Variants in COL5A2 observed in about 807,000 individuals in gnomAD.
COL5A2 encodes the protein collagen alpha-2(V) chain.
Under a neutral mutation model 208.2 loss-of-function variants are expected in COL5A2, and 23 were observed. The observed-to-expected ratio is 0.11, with a 90% confidence interval of 0.08 to 0.16. The LOEUF (loss-of-function observed/expected upper bound fraction) is 0.16, where lower values mean the gene tolerates loss of function less well. COL5A2 is among the 10% of genes least tolerant of loss of function. COL5A2 has a pLI of 1.00. For missense variants in COL5A2, 1,590 were observed against 1,956.4 expected (o/e 0.81, Z 3.53); for synonymous variants, 625 against 628.5 (o/e 0.99, Z 0.08).
chr2:189,146,160 A>G (rs1409202861), intron 1 of COL5A2, among the ~76,000 whole-genome samples: 2 of 152,166 alleles, frequency 1.3e-5, no homozygotes, highest in African/African-American at 4.8e-5. Flanking sequence ...AAATTTTACC[A>G]TTTAGTAAGA....
intron 52 of COL5A2, among the ~76,000 whole-genome samples, chr2:189,036,235 T>A (rs923245010): frequency 6.6e-6 from 1 of 152,052 alleles, no homozygotes; most frequent in Non-Finnish European, 1.5e-5. Context: ...CAGTACAAGA[T>A]CCCCGTGAGG....
At chr2:189,374,845 C>T in the COL5A2 span, among the ~76,000 whole-genome samples, 3 of 151,974 alleles carry the variant, frequency 2.0e-5, no homozygotes, top group South Asian at 2.1e-4. Context: ...TACATATTTT[C>T]CTTTCACACT....
the COL5A2 span, among the ~76,000 whole-genome samples, chr2:189,318,622 G>A: frequency 3.3e-5 from 5 of 152,084 alleles, no homozygotes; most frequent in Non-Finnish European, 7.4e-5. Flanking sequence ...ATAGGTAAAT[G>A]GTATTTTGAC....
chr2:189,399,388 T>C, the COL5A2 span, among the ~76,000 whole-genome samples: 2 of 151,520 alleles, frequency 1.3e-5, no homozygotes. Context: ...GTAGATGGGA[T>C]TACAGGTGCC....
intron 9 of COL5A2, 130 bp downstream of exon 9, chr2:189,086,596 G>A: frequency 1.5e-6 from 1 of 678,790 alleles, no homozygotes; most frequent in Non-Finnish European, 2.6e-6. Flanking sequence ...AATATATCCT[G>A]TTTGAAGTGA....
chr2:189,414,753 C>CA, the COL5A2 span, among the ~76,000 whole-genome samples: 341 of 69,984 alleles, frequency 4.9e-3, no homozygotes, highest in African/African-American at 6.0e-3. Flanking sequence ...GACTCTGTCT[C>CA]AAAAAAAAAA....
intron 1 of COL5A2, among the ~76,000 whole-genome samples, chr2:189,209,984 C>T (rs531692598): frequency 5.9e-5 from 9 of 152,130 alleles, no homozygotes; most frequent in South Asian, 2.1e-4. Context: ...ATGGTAATGC[C>T]GCCCTGAAAG....
At chr2:189,397,242 C>CT in the COL5A2 span, among the ~76,000 whole-genome samples, 1,275 of 152,246 alleles carry the variant, frequency 8.4e-3, 18 homozygotes, top group African/African-American at 0.029. Flanking sequence ...TAACAGTTCT[C>CT]TTCTTTTTTA....
In COL5A2 at chr2:189,032,831, T is replaced by C. The variant is rs1053008419; in HGVS notation, c.*1239A>G. 2 of 152,598 alleles carry C rather than the reference T, an allele frequency of 1.3e-5. No homozygotes were observed. Among genetic ancestry groups the C allele is most frequent in the Non-Finnish European group, 2.9e-5 (2 of 68,010 alleles). 9.5% of individuals were successfully genotyped at this position (152,598 alleles called of 1,614,324 possible). A position where few individuals can be genotyped will look rare whatever the true frequency, so the allele number is the denominator to read the frequency against. On this transcript the variant is annotated 3_prime_UTR_variant, in exon 54 of 54. Transcript: ENST00000374866. Reference sequence around the variant, plus strand: ...AGTTATGTTTTCACAATGGTAGTGATTAAACCATCTTTATTTTTAAGGAAT... The same window carrying C: ...AGTTATGTTTTCACAATGGTAGTGACTAAACCATCTTTATTTTTAAGGAAT...
chr2:189,405,941 C>T, the COL5A2 span, among the ~76,000 whole-genome samples: 117 of 152,222 alleles, frequency 7.7e-4, no homozygotes, highest in African/African-American at 2.7e-3. Context: ...TTTAAAATCC[C>T]CGTTTTCTAT....
At chr2:189,118,920 C>G (rs1044672341) in intron 1 of COL5A2, among the ~76,000 whole-genome samples, 8 of 136,032 alleles carry the variant, frequency 5.9e-5, no homozygotes, top group Non-Finnish European at 9.5e-5. Context: ...CAAGTCACTT[C>G]CAGAACAGGT....
chr2:189,186,848 T>C (rs940575314), intron 1 of COL5A2, among the ~76,000 whole-genome samples: 2 of 152,264 alleles, frequency 1.3e-5, no homozygotes, highest in African/African-American at 4.8e-5. Context: ...TGAAAATCTC[T>C]GCTGAAAATA....
chr2:189,388,611 G>T, the COL5A2 span, among the ~76,000 whole-genome samples: 3 of 152,152 alleles, frequency 2.0e-5, no homozygotes, highest in Non-Finnish European at 4.4e-5. Flanking sequence ...TGTGTGATTT[G>T]ATTTTAAAAG....
chr2:189,390,439 T>C, the COL5A2 span, among the ~76,000 whole-genome samples: 1 of 152,138 alleles, frequency 6.6e-6, no homozygotes, highest in Non-Finnish European at 1.5e-5. Context: ...CTAGGCATAC[T>C]CCCTAATAGA....
the COL5A2 span, among the ~76,000 whole-genome samples, chr2:189,355,561 G>A: frequency 7.2e-5 from 11 of 151,976 alleles, no homozygotes; most frequent in African/African-American, 2.2e-4. Context: ...TTTGATCTTC[G>A]TTGGTTTAAA....
the COL5A2 span, among the ~76,000 whole-genome samples, chr2:189,426,301 C>T: frequency 6.6e-6 from 1 of 152,114 alleles, no homozygotes; most frequent in Non-Finnish European, 1.5e-5. Context: ...TTAGGACTGC[C>T]TCCCATTCTA....
chr2:189,166,936 A>C (rs1385698477), intron 1 of COL5A2, among the ~76,000 whole-genome samples: 1 of 152,202 alleles, frequency 6.6e-6, no homozygotes, highest in Non-Finnish European at 1.5e-5. Context: ...AAATTGTGAT[A>C]AGAGGTCAGG....
At chr2:189,074,944 A>G (rs545643917) in intron 17 of COL5A2, among the ~76,000 whole-genome samples, 1 of 152,288 alleles carries the variant, frequency 6.6e-6, no homozygotes, top group African/African-American at 2.4e-5. Context: ...TCCCTGAATG[A>G]TCGCACATTA....
intron 31 of COL5A2, 72 bp from the exon 32 acceptor site, chr2:189,058,965 T>G: frequency 8.2e-7 from 1 of 1,220,716 alleles, no homozygotes; most frequent in Non-Finnish European, 1.2e-6. Flanking sequence ...AACTTTCCAG[T>G]TCATACACCT....
Sources: gnomAD v4.1 joint callset for allele counts (sites outside exome capture counted in the v4.1 genomes callset) on GRCh38, gnomAD v4.1.1 for gene constraint, MANE v1.5 for transcripts, NCBI Gene and HGNC (gene_info 2026-07-23, HGNC 2026-07-21) for gene names.